AGMO: variants seen among roughly 807,000 people sequenced by gnomAD.
AGMO encodes alkylglycerol monooxygenase.
A neutral mutation model predicts 60.2 loss-of-function variants in AGMO; 75 were observed. The observed-to-expected ratio is 1.25, with a 90% CI of 1.03 to 1.51. The LOEUF (loss-of-function observed/expected upper bound fraction) is 1.51, where lower values mean the gene tolerates loss of function less well. AGMO is among the 40% of genes most tolerant of loss of function. The pLI, the probability that AGMO is intolerant of heterozygous loss-of-function variation, is 0.00. For synonymous variants in AGMO, 261 were observed against 177.1 expected, an observed-to-expected ratio of 1.47 and a Z score of -3.76; for missense variants, 763 against 525.5, an observed-to-expected ratio of 1.45 and a Z score of -4.42.
intron 12 of AGMO, among the ~76,000 whole-genome samples, chr7:15,215,839 G>A (rs934402606): frequency 6.6e-6 from 1 of 152,018 alleles, no homozygotes; most frequent in Non-Finnish European, 1.5e-5. Context: ...GCAGTATTAT[G>A]ACAATCAGTT....
chr7:15,437,449 C>T (rs899785292), intron 3 of AGMO, among the ~76,000 whole-genome samples: 1 of 151,922 alleles, frequency 6.6e-6, no homozygotes, highest in Admixed American at 6.6e-5. Context: ...TATTTTTGTT[C>T]CACACATTTT....
At chr7:15,436,057 T>C (rs73288445) in intron 3 of AGMO, among the ~76,000 whole-genome samples, 2,183 of 152,256 alleles carry the variant, frequency 0.014, 41 homozygotes, top group African/African-American at 0.049. Flanking sequence ...TCACTCATAA[T>C]CTGGAAAACT....
intron 3 of AGMO, among the ~76,000 whole-genome samples, chr7:15,448,354 G>A (rs1456763056): frequency 6.6e-6 from 1 of 152,156 alleles, no homozygotes; most frequent in Admixed American, 6.5e-5. Context: ...TTTACAATGA[G>A]AAGATGGTCA....
chr7:15,158,568 T>C, the AGMO span, among the ~76,000 whole-genome samples: 1 of 152,226 alleles, frequency 6.6e-6, no homozygotes, highest in South Asian at 2.1e-4. Context: ...GGAATCACAA[T>C]AGCATTCATG....
At chr7:15,289,494 C>A (rs1784194362) in intron 12 of AGMO, among the ~76,000 whole-genome samples, 1 of 152,070 alleles carries the variant, frequency 6.6e-6, no homozygotes, top group African/African-American at 2.4e-5. Context: ...TTAGCCATTT[C>A]TTAGGTAATA....
intron 12 of AGMO, among the ~76,000 whole-genome samples, chr7:15,352,360 T>A (rs960096704): frequency 2.6e-5 from 4 of 152,104 alleles, no homozygotes; most frequent in African/African-American, 9.7e-5. Flanking sequence ...ACTGCAGCTG[T>A]TGGCTGCCAC....
chr7:15,555,346 G>A (rs935371955), intron 2 of AGMO, among the ~76,000 whole-genome samples: 26 of 147,394 alleles, frequency 1.8e-4, no homozygotes, highest in African/African-American at 6.5e-4. Context: ...CATATGTAAA[G>A]AGAGTGAGAG....
At chr7:15,361,652 T>C (rs1782771832) in intron 12 of AGMO, among the ~76,000 whole-genome samples, 1 of 151,518 alleles carries the variant, frequency 6.6e-6, no homozygotes, top group South Asian at 2.1e-4. Flanking sequence ...AATAAAACCA[T>C]TTAGGTAACA....
intron 3 of AGMO, among the ~76,000 whole-genome samples, chr7:15,533,828 C>A (rs187881804): frequency 7.9e-5 from 12 of 152,212 alleles, no homozygotes; most frequent in African/African-American, 2.9e-4. Context: ...AGTATAAGCA[C>A]TTCACATAGA....
chr7:15,442,966 G>T (rs1182805384), intron 3 of AGMO, among the ~76,000 whole-genome samples: 1 of 152,178 alleles, frequency 6.6e-6, no homozygotes, highest in Non-Finnish European at 1.5e-5. Context: ...GTGGAGTTTG[G>T]CTAGGGAGGT....
the AGMO span, among the ~76,000 whole-genome samples, chr7:15,135,979 C>CTTTTTTTTTTTTTTTTTGTT: frequency 9.4e-6 from 1 of 106,868 alleles, no homozygotes; most frequent in African/African-American, 3.5e-5. Context: ...TTTTTCTTTT[C>CTTTTTTTTTTTTTTTTTGTT]TTTTTTTTTT....
chr7:15,472,324 G>T (rs1782470892), intron 3 of AGMO, among the ~76,000 whole-genome samples: 3 of 151,832 alleles, frequency 2.0e-5, no homozygotes, highest in Admixed American at 2.0e-4. Flanking sequence ...TGTTCAAAAA[G>T]CTGAATGGAA....
chr7:15,475,783 C>G (rs943879791), intron 3 of AGMO, among the ~76,000 whole-genome samples: 19 of 151,798 alleles, frequency 1.3e-4, no homozygotes, highest in Non-Finnish European at 2.6e-4. Flanking sequence ...TGCAACTGAA[C>G]TAGATGTGAT....
chr7:15,252,303 G>A lies in AGMO; in HGVS notation c.1264-50944C>T, dbSNP rs111330095. Among the ~76,000 whole-genome samples, 790 of 152,196 alleles carry A rather than the reference G, an allele frequency of 5.2e-3. 3 individuals carry two copies. Among genetic ancestry groups the A allele is most frequent in the African/African-American group, 0.016 (668 of 41,518 alleles). Reference sequence around the variant, plus strand: ...AGTGTGATGGGAAAATTCTAAGATCGGCTCCATGAGCCCTGCCTTCTAGTA... The same window carrying A: ...AGTGTGATGGGAAAATTCTAAGATCAGCTCCATGAGCCCTGCCTTCTAGTA... On this transcript the variant is annotated intron_variant, in intron 12 of 12. Transcript: ENST00000342526.
chr7:15,250,278 A>C (rs759033810), intron 12 of AGMO, among the ~76,000 whole-genome samples: 1 of 152,196 alleles, frequency 6.6e-6, no homozygotes, highest in Non-Finnish European at 1.5e-5. Flanking sequence ...CCACTACTGT[A>C]CAAAGAATCC....
intron 12 of AGMO, among the ~76,000 whole-genome samples, chr7:15,241,319 G>C (rs1782579584): frequency 6.6e-6 from 1 of 151,308 alleles, no homozygotes; most frequent in Non-Finnish European, 1.5e-5. Flanking sequence ...AATTAGCCGG[G>C]CGTGGTGGTG....
the AGMO span, among the ~76,000 whole-genome samples, chr7:15,194,393 T>C: frequency 1.3e-5 from 2 of 152,054 alleles, no homozygotes; most frequent in African/African-American, 2.4e-5. Flanking sequence ...AAGAAAAATA[T>C]ATATAAGTAA....
At chr7:15,146,305 G>A in the AGMO span, among the ~76,000 whole-genome samples, 80 of 152,200 alleles carry the variant, frequency 5.3e-4, no homozygotes, top group Middle Eastern at 3.4e-3. Context: ...CTTAAAGTAA[G>A]AATGTACATA....
intron 12 of AGMO, among the ~76,000 whole-genome samples, chr7:15,230,135 GGAAAA>G (rs1782215776): frequency 6.6e-6 from 1 of 151,658 alleles, no homozygotes; most frequent in Non-Finnish European, 1.5e-5. Flanking sequence ...TTACAACAAA[GGAAAA>G]GAAAAGAGGA....
Sources: allele counts gnomAD v4.1 joint callset (sites outside exome capture counted in the v4.1 genomes callset), GRCh38; gene constraint gnomAD v4.1.1; transcripts MANE v1.5; gene names NCBI Gene and HGNC (gene_info 2026-07-23, HGNC 2026-07-21).